The following C8orf34 variants were observed in gnomAD, a reference collection of about 807,000 sequenced individuals.
C8orf34 encodes the protein chromosome 8 open reading frame 34.
A neutral mutation model predicts 68.3 loss-of-function variants in C8orf34; 65 were observed. That is an observed-to-expected ratio of 0.95 (90% CI 0.78 to 1.17). C8orf34 has a LOEUF of 1.17. Ranked by LOEUF, C8orf34 falls within the 50% of genes most tolerant of loss-of-function variation. C8orf34 has a pLI of 0.00. For synonymous variants in C8orf34, 244 were observed against 241.2 expected (o/e 1.01, Z -0.11); for missense variants, 664 against 655.4 (o/e 1.01, Z -0.14).
At chr8:68,421,116 T>C (rs904408628) in intron 1 of C8orf34, among the ~76,000 whole-genome samples, 1 of 152,038 alleles carries the variant, frequency 6.6e-6, no homozygotes, top group Non-Finnish European at 1.5e-5. Flanking sequence ...TATGGTAAAA[T>C]TGCAAATTAC....
chr8:68,746,902 G>C (rs1263333445), intron 10 of C8orf34, among the ~76,000 whole-genome samples: 5 of 152,082 alleles, frequency 3.3e-5, no homozygotes. Flanking sequence ...GCATCATCCT[G>C]ATACCAAAGC....
chr8:68,790,846 C>T, intron 12 of C8orf34: 1 of 701,568 alleles, frequency 1.4e-6, no homozygotes, highest in Non-Finnish European at 2.6e-6. Flanking sequence ...GTGGCTGGGA[C>T]TCTGAATTCT....
At chr8:68,803,111 A>T (rs1030048534) in intron 12 of C8orf34, among the ~76,000 whole-genome samples, 1 of 152,134 alleles carries the variant, frequency 6.6e-6, no homozygotes, top group Non-Finnish European at 1.5e-5. Flanking sequence ...AAACACTTCC[A>T]TAGAATACAA....
At chr8:68,446,554 C>A in intron 3 of C8orf34, 94 bp downstream of exon 3, 2 of 1,323,884 alleles carry the variant, frequency 1.5e-6, no homozygotes, top group Non-Finnish European at 2.1e-6. Context: ...CCCAACTTTT[C>A]ATCTGATATT....
chr8:68,814,164 C>T (rs886276424), intron 12 of C8orf34, among the ~76,000 whole-genome samples: 2 of 152,180 alleles, frequency 1.3e-5, no homozygotes, highest in South Asian at 2.1e-4. Context: ...CAGTGATGCT[C>T]AAAGTGAAGT....
chr8:68,814,373 C>T (rs996740143), intron 12 of C8orf34, among the ~76,000 whole-genome samples: 1 of 152,206 alleles, frequency 6.6e-6, no homozygotes, highest in African/African-American at 2.4e-5. Flanking sequence ...TTCAACCACT[C>T]CCTTGCCAGC....
intron 1 of C8orf34, among the ~76,000 whole-genome samples, chr8:68,362,640 A>G (rs577572087): frequency 5.8e-4 from 88 of 152,266 alleles, no homozygotes; most frequent in African/African-American, 2.0e-3. Flanking sequence ...GCACACTGAC[A>G]CCTCACACGG....
intron 8 of C8orf34, among the ~76,000 whole-genome samples, chr8:68,651,760 G>A (rs922300870): frequency 6.6e-6 from 1 of 152,146 alleles, no homozygotes; most frequent in Non-Finnish European, 1.5e-5. Flanking sequence ...AAGTGGGGAG[G>A]TTTGGCGAGG....
Position 68,696,058 on chromosome 8 carries a change from C to A in C8orf34, c.1242-12936C>A, listed in dbSNP as rs201112108. On this transcript the variant is annotated intron_variant, in intron 8 of 13. Coordinates refer to ENST00000518698, the MANE Select transcript of C8orf34 (RefSeq NM_052958.4). Reference sequence around the variant, plus strand: ...GGCTCACGCCTGTATTCCCAGCTACCAAAAGGCTGAGGTTAGGGGATCACC... The same window carrying A: ...GGCTCACGCCTGTATTCCCAGCTACAAAAAGGCTGAGGTTAGGGGATCACC... Among the ~76,000 whole-genome samples the A allele has an allele frequency of 8.6e-5, 13 of 151,706 alleles. No individual in the cohort carries two copies. The East Asian group carries it at 2.0e-3, about 23-fold the overall frequency.
At chr8:68,485,156 G>T (rs1188389798) in intron 4 of C8orf34, among the ~76,000 whole-genome samples, 2 of 152,164 alleles carry the variant, frequency 1.3e-5, no homozygotes, top group Non-Finnish European at 2.9e-5. Context: ...TCATATGTTT[G>T]CTAAAATTGA....
intron 5 of C8orf34, among the ~76,000 whole-genome samples, chr8:68,509,800 C>T (rs1251062965): frequency 6.6e-6 from 1 of 152,122 alleles, no homozygotes; most frequent in African/African-American, 2.4e-5. Context: ...CTCTTTCATC[C>T]TTGCATGCCT....
intron 11 of C8orf34, among the ~76,000 whole-genome samples, chr8:68,781,154 G>A (rs1290051893): frequency 6.6e-6 from 1 of 152,174 alleles, no homozygotes; most frequent in Non-Finnish European, 1.5e-5. Flanking sequence ...GTAGAAGTTT[G>A]AGCAAAGAAG....
chr8:68,430,978 A>G (rs1810429419), intron 1 of C8orf34, among the ~76,000 whole-genome samples: 2 of 152,122 alleles, frequency 1.3e-5, no homozygotes, highest in South Asian at 2.1e-4. Flanking sequence ...ACTCCTTACC[A>G]CAAACTGATA....
chr8:68,447,668 G>A (rs374125378), intron 3 of C8orf34: 2 of 152,216 alleles, frequency 1.3e-5, no homozygotes, highest in East Asian at 3.9e-4. Flanking sequence ...ACTGGAATCT[G>A]CATCTGGGTC....
intron 4 of C8orf34, among the ~76,000 whole-genome samples, chr8:68,470,139 A>G (rs1265680449): frequency 6.6e-6 from 1 of 152,052 alleles, no homozygotes; most frequent in Non-Finnish European, 1.5e-5. Context: ...TTTTGTAGAA[A>G]ATAAGAGTAA....
rs866359748 is a variant in C8orf34, at chr8:68,417,557, G to A, written c.328-21942G>A. On this transcript the variant is annotated intron_variant, in intron 1 of 13. Transcript: ENST00000518698. Reference sequence around the variant, plus strand: ...ATAAAATTATTACTTTTATGAAAACGAGAGGAGAAAATAAGAACCTATATT... The same window carrying A: ...ATAAAATTATTACTTTTATGAAAACAAGAGGAGAAAATAAGAACCTATATT... Among the ~76,000 whole-genome samples, 12 of 152,166 alleles carry A rather than the reference G, an allele frequency of 7.9e-5. No homozygotes were observed. In the South Asian group the frequency reaches 1.0e-3, roughly 13 times the overall value.
intron 8 of C8orf34, among the ~76,000 whole-genome samples, chr8:68,658,698 C>CT (rs1273319443): frequency 6.6e-6 from 1 of 151,904 alleles, no homozygotes. Context: ...AGTTTTGAAT[C>CT]TTTTTTTTCT....
At chr8:68,592,480 T>C (rs1817419977) in intron 7 of C8orf34, among the ~76,000 whole-genome samples, 1 of 152,076 alleles carries the variant, frequency 6.6e-6, no homozygotes, top group East Asian at 1.9e-4. Context: ...TATAAGTTAA[T>C]ATTTTATCTT....
At chr8:68,744,042 C>T (rs59957895) in intron 10 of C8orf34, among the ~76,000 whole-genome samples, 46,115 of 150,728 alleles carry the variant, frequency 0.31, 7,495 homozygotes, top group Middle Eastern at 0.47. Context: ...GATCTGAGAA[C>T]GGGCAGACTG....
Sources: allele counts gnomAD v4.1 joint callset (sites outside exome capture counted in the v4.1 genomes callset), GRCh38; gene constraint gnomAD v4.1.1; transcripts MANE v1.5; gene names NCBI Gene and HGNC (gene_info 2026-07-23, HGNC 2026-07-21).